The following APBB2 variants were observed in gnomAD, a reference collection of about 807,000 sequenced individuals.
The protein encoded by APBB2 is amyloid beta precursor protein binding family B member 2.
Under a neutral mutation model 82.5 loss-of-function variants are expected in APBB2, and 38 were observed. The ratio of observed to expected loss-of-function variants is 0.46; its 90% CI spans 0.36 to 0.60. The LOEUF is 0.60. APBB2 is among the 20% of genes least tolerant of loss of function. The pLI, the probability that APBB2 is intolerant of heterozygous loss-of-function variation, is 0.00. For synonymous variants in APBB2, 341 were observed against 368.2 expected (o/e 0.93, Z 0.85); for missense variants, 772 against 972.3 (o/e 0.79, Z 2.74).
intron 12 of APBB2, among the ~76,000 whole-genome samples, chr4:40,841,746 T>C (rs1755881959): frequency 6.6e-6 from 1 of 152,204 alleles, no homozygotes; most frequent in African/African-American, 2.4e-5. Flanking sequence ...TGGTGCCATC[T>C]TGGCTCACCG....
chr4:41,154,005 A>C (rs1022723496), intron 1 of APBB2, among the ~76,000 whole-genome samples: 5 of 152,186 alleles, frequency 3.3e-5, no homozygotes, highest in Admixed American at 2.0e-4. Flanking sequence ...TGTTTCCTCT[A>C]AATAGAGGTC....
chr4:41,132,368 G>A (rs2154007444), intron 2 of APBB2, among the ~76,000 whole-genome samples: 1 of 152,256 alleles, frequency 6.6e-6, no homozygotes, highest in East Asian at 1.9e-4. Flanking sequence ...TTTTAATTAA[G>A]AGAAAAGCAA....
At chr4:41,059,020 T>C (rs1728801816) in intron 4 of APBB2, among the ~76,000 whole-genome samples, 1 of 152,030 alleles carries the variant, frequency 6.6e-6, no homozygotes, top group Non-Finnish European at 1.5e-5. Context: ...ACAGGCTTAG[T>C]GTGTAGGGGC....
chr4:41,032,696 A>G (rs920354245), intron 5 of APBB2, among the ~76,000 whole-genome samples: 2 of 151,860 alleles, frequency 1.3e-5, no homozygotes, highest in Admixed American at 6.6e-5. Context: ...ACATTACGAT[A>G]TAAGTATTCA....
intron 2 of APBB2, among the ~76,000 whole-genome samples, chr4:41,129,870 G>A (rs1426969854): frequency 2.0e-5 from 3 of 152,006 alleles, no homozygotes; most frequent in African/African-American, 7.3e-5. Flanking sequence ...AACTTAAAAT[G>A]TAAGTAAAGT....
chr4:41,158,787 C>G (rs1258844871), intron 1 of APBB2, among the ~76,000 whole-genome samples: 1 of 152,116 alleles, frequency 6.6e-6, no homozygotes, highest in East Asian at 1.9e-4. Flanking sequence ...GATTGAGCAC[C>G]TACTACATGC....
At chr4:40,942,890 G>A (rs1053909044) in intron 7 of APBB2, among the ~76,000 whole-genome samples, 9 of 152,208 alleles carry the variant, frequency 5.9e-5, no homozygotes, top group African/African-American at 2.2e-4. Flanking sequence ...GAAACAAAAG[G>A]CTAACGTGTT....
At position 41,151,611 on chromosome 4, in the gene APBB2, C is replaced by T. The variant is rs187892884; in HGVS notation, c.-416-8469G>A. 1.3e-3 allele frequency among the ~76,000 whole-genome samples: 175 copies of T among 134,888 alleles called. 2 individuals are homozygous for T. The East Asian group carries it at 0.03, about 23-fold the overall frequency. 88.5% of individuals were successfully genotyped at this position (134,888 alleles called of 152,430 possible). Reference sequence around the variant, plus strand: ...TTTCTGAAAGCGTATTTTGCTTTTTCCTTGAATGACAGCTTTTTTTGACAT... The same window carrying T: ...TTTCTGAAAGCGTATTTTGCTTTTTTCTTGAATGACAGCTTTTTTTGACAT... On this transcript the variant is annotated intron_variant, in intron 1 of 17. Coordinates refer to ENST00000508593, the MANE Select transcript of APBB2 (RefSeq NM_004307.2).
intron 4 of APBB2, among the ~76,000 whole-genome samples, chr4:41,054,844 G>C (rs1463862963): frequency 6.6e-6 from 1 of 151,770 alleles, no homozygotes; most frequent in Non-Finnish European, 1.5e-5. Context: ...CTACCATACG[G>C]GGGAGAAGCC....
At position 40,853,518 on chromosome 4, in the gene APBB2, C is replaced by T. The variant is rs567692038; in HGVS notation, c.1530-22941G>A. On this transcript the variant is annotated intron_variant, in intron 12 of 17. Transcript: ENST00000508593. ...AGGCTGGAGTGCAATGGCATGATCT[C>T]GGCTCACTGCAACCTCCGCCTCCTG... 7.2e-5 allele frequency among the ~76,000 whole-genome samples: 11 copies of T among 151,980 alleles called. No individual in the cohort carries two copies. In the East Asian group the frequency reaches 2.1e-3, roughly 29 times the overall value.
At chr4:41,037,909 G>C (rs907566315) in intron 4 of APBB2, among the ~76,000 whole-genome samples, 1 of 152,100 alleles carries the variant, frequency 6.6e-6, no homozygotes, top group Non-Finnish European at 1.5e-5. Context: ...TCAGCATTGA[G>C]AGGAGAGTCC....
intron 1 of APBB2, among the ~76,000 whole-genome samples, chr4:41,199,069 T>G (rs529981054): frequency 6.6e-6 from 1 of 152,234 alleles, no homozygotes; most frequent in Non-Finnish European, 1.5e-5. Flanking sequence ...CTATCCAGTA[T>G]GACCTCACCT....
At chr4:41,029,614 T>G (rs1254294311) in intron 5 of APBB2, among the ~76,000 whole-genome samples, 1 of 152,228 alleles carries the variant, frequency 6.6e-6, no homozygotes, top group African/African-American at 2.4e-5. Context: ...AAACTCAATC[T>G]TAACGAGCTT....
At chr4:41,101,374 G>A (rs1439377701) in intron 2 of APBB2, among the ~76,000 whole-genome samples, 1 of 147,838 alleles carries the variant, frequency 6.8e-6, no homozygotes, top group East Asian at 2.1e-4. Context: ...TGAGGCAGGA[G>A]AATGGCGTGA....
chr4:40,913,958 G>GT, intron 10 of APBB2, among the ~76,000 whole-genome samples: 1 of 152,120 alleles, frequency 6.6e-6, no homozygotes, highest in Admixed American at 6.6e-5. Context: ...TAAGGGGGCT[G>GT]GGTGTGGTGG....
chr4:41,179,816 T>TA (rs888850867), intron 1 of APBB2, among the ~76,000 whole-genome samples: 2 of 152,120 alleles, frequency 1.3e-5, no homozygotes, highest in Non-Finnish European at 2.9e-5. Flanking sequence ...CATACTGGCA[T>TA]AAAAAAGAAC....
intron 3 of APBB2, among the ~76,000 whole-genome samples, chr4:41,087,154 A>G (rs1740063062): frequency 6.6e-6 from 1 of 152,150 alleles, no homozygotes; most frequent in Admixed American, 6.5e-5. Context: ...AAATAAATAA[A>G]TAAATATTGA....
chr4:40,947,981 C>G (rs1788913097), intron 6 of APBB2, among the ~76,000 whole-genome samples: 1 of 152,154 alleles, frequency 6.6e-6, no homozygotes, highest in Non-Finnish European at 1.5e-5. Context: ...AAGAGAAATT[C>G]TAAAGAAATC....
chr4:41,017,104 C>T (rs1054083719), intron 5 of APBB2, among the ~76,000 whole-genome samples: 1 of 151,978 alleles, frequency 6.6e-6, no homozygotes, highest in Non-Finnish European at 1.5e-5. Flanking sequence ...ACTTTGTTGC[C>T]CAGGTTGGTC....
Sources: allele counts gnomAD v4.1 joint callset (sites outside exome capture counted in the v4.1 genomes callset), GRCh38; gene constraint gnomAD v4.1.1; transcripts MANE v1.5; gene names NCBI Gene and HGNC (gene_info 2026-07-23, HGNC 2026-07-21).